The following PLCZ1 variants were observed in gnomAD, a reference collection of about 807,000 sequenced individuals.
The protein encoded by PLCZ1 is 1-phosphatidylinositol 4,5-bisphosphate phosphodiesterase zeta-1.
In PLCZ1, 64 loss-of-function variants were observed where a neutral mutation model predicts 76.8. That is an observed-to-expected ratio of 0.83 (90% CI 0.68 to 1.03). PLCZ1 has a LOEUF of 1.03. PLCZ1 is among the 50% of genes least tolerant of loss of function. PLCZ1 has a pLI of 0.00. For synonymous variants in PLCZ1, 248 were observed against 230.8 expected, an observed-to-expected ratio of 1.07 and a Z score of -0.68; for missense variants, 751 against 713.7, an observed-to-expected ratio of 1.05 and a Z score of -0.60.
intron 3 of PLCZ1, among the ~76,000 whole-genome samples, chr12:18,726,860 A>G (rs1958778602): frequency 6.6e-6 from 1 of 152,070 alleles, no homozygotes; most frequent in African/African-American, 2.4e-5. Context: ...TTTTTTCCCA[A>G]ACTCTCGCGC....
chr12:18,677,446 G>A, the PLCZ1 span, among the ~76,000 whole-genome samples: 1 of 152,048 alleles, frequency 6.6e-6, no homozygotes, highest in Non-Finnish European at 1.5e-5. Flanking sequence ...ATCACATAGA[G>A]GGCTGGTTAG....
Position 18,693,439 on chromosome 12 carries a change from G to A in PLCZ1, c.1461+1471C>T. 2.5e-6 allele frequency: 4 copies of A among 1,604,876 alleles called. No homozygotes were observed. The South Asian group carries it at 4.4e-5, about 18-fold the overall frequency. ...GAGATGGGTATAAAGCCTCCAAGGG[G>A]GTCATTCTCTGTGGTCCACCTGGCA... On this transcript the variant is annotated intron_variant, in intron 12 of 14. Transcript: ENST00000266505.
the PLCZ1 span, among the ~76,000 whole-genome samples, chr12:18,650,349 G>GTA: frequency 1.1e-5 from 1 of 92,102 alleles, no homozygotes; most frequent in Admixed American, 1.1e-4. Flanking sequence ...ATATATATAT[G>GTA]TGTGTGTGTG....
the PLCZ1 span, among the ~76,000 whole-genome samples, chr12:18,677,266 T>C: frequency 4.6e-5 from 7 of 152,092 alleles, no homozygotes; most frequent in Non-Finnish European, 8.8e-5. Context: ...AGCATATGAA[T>C]TGAGGAAAGA....
chr12:18,735,200 G>C (rs1018139779), intron 3 of PLCZ1, among the ~76,000 whole-genome samples: 1 of 152,098 alleles, frequency 6.6e-6, no homozygotes, highest in Non-Finnish European at 1.5e-5. Flanking sequence ...CAGGAATATT[G>C]GCCTAAAGTT....
chr12:18,651,299 T>C, the PLCZ1 span, among the ~76,000 whole-genome samples: 1 of 152,214 alleles, frequency 6.6e-6, no homozygotes, highest in South Asian at 2.1e-4. Flanking sequence ...TGTCTCCGTC[T>C]CTGCCCTGCC....
chr12:18,650,611 C>A, the PLCZ1 span, among the ~76,000 whole-genome samples: 4 of 143,470 alleles, frequency 2.8e-5, no homozygotes, highest in Admixed American at 1.4e-4. Context: ...AGAGCTGATA[C>A]GGGCTCACTT....
the PLCZ1 span, among the ~76,000 whole-genome samples, chr12:18,676,024 T>C: frequency 6.6e-6 from 1 of 152,096 alleles, no homozygotes; most frequent in African/African-American, 2.4e-5. Context: ...AAAAAACTTT[T>C]TGAAAGAAAG....
intron 12 of PLCZ1, among the ~76,000 whole-genome samples, chr12:18,689,513 T>G (rs891502370): frequency 1.3e-5 from 2 of 152,150 alleles, no homozygotes; most frequent in African/African-American, 2.4e-5. Flanking sequence ...ATAATTCCTC[T>G]TCTTCCAACG....
the PLCZ1 span, among the ~76,000 whole-genome samples, chr12:18,665,396 A>G: frequency 6.6e-6 from 1 of 152,108 alleles, no homozygotes; most frequent in African/African-American, 2.4e-5. Flanking sequence ...TATTATTTGT[A>G]TTTCACCACA....
the PLCZ1 span, among the ~76,000 whole-genome samples, chr12:18,649,255 G>T: frequency 0.01 from 1,536 of 152,162 alleles, 14 homozygotes; most frequent in Middle Eastern, 0.058. Context: ...AACTGCCACA[G>T]ATTTCCACAA....
intron 5 of PLCZ1, among the ~76,000 whole-genome samples, chr12:18,717,048 C>T (rs1469520747): frequency 6.6e-6 from 1 of 151,964 alleles, no homozygotes; most frequent in Non-Finnish European, 1.5e-5. Context: ...TGCCACTAGT[C>T]ACAAGGAAAA....
intron 6 of PLCZ1, among the ~76,000 whole-genome samples, chr12:18,706,582 T>C (rs1157699726): frequency 6.6e-6 from 1 of 152,204 alleles, no homozygotes; most frequent in East Asian, 1.9e-4. Context: ...TTCTCATTGC[T>C]GTAACTTCAA....
Position 18,683,192 on chromosome 12 carries a change from G to T in PLCZ1, c.*47C>A. 1 of 1,519,458 alleles carries T rather than the reference G, an allele frequency of 6.6e-7. No individual in the cohort carries two copies. Among genetic ancestry groups the T allele is most frequent in the Non-Finnish European group, 9.1e-7 (1 of 1,095,242 alleles). The allele number at this position is 1,519,458 out of a possible 1,614,324, so 94.1% of individuals were successfully genotyped here. On this transcript the variant is annotated 3_prime_UTR_variant, in exon 15 of 15. Coordinates refer to ENST00000266505, the MANE Select transcript of PLCZ1 (RefSeq NM_033123.4). ...AAACATAAAGACATTCATTTTGGCT[G>T]TTTTATTGCGATGCATAGCTAATGA...
chr12:18,665,257 G>T, the PLCZ1 span, among the ~76,000 whole-genome samples: 8 of 152,088 alleles, frequency 5.3e-5, no homozygotes, highest in African/African-American at 1.7e-4. Context: ...TGTTTAAAGG[G>T]TATATAGACT....
At chr12:18,729,686 T>C (rs930420998) in intron 3 of PLCZ1, among the ~76,000 whole-genome samples, 2 of 152,096 alleles carry the variant, frequency 1.3e-5, no homozygotes, top group Non-Finnish European at 2.9e-5. Context: ...TAAAATATTT[T>C]AAATGCTATA....
intron 3 of PLCZ1, among the ~76,000 whole-genome samples, chr12:18,733,714 G>A (rs540564100): frequency 6.6e-6 from 1 of 152,134 alleles, no homozygotes; most frequent in African/African-American, 2.4e-5. Flanking sequence ...CCATTTATTG[G>A]AGAGACTATC....
At chr12:18,734,650 C>T (rs1312824802) in intron 3 of PLCZ1, among the ~76,000 whole-genome samples, 1 of 152,164 alleles carries the variant, frequency 6.6e-6, no homozygotes, top group Non-Finnish European at 1.5e-5. Context: ...CACACCCGGC[C>T]TTGTGGTAGT....
rs1459681941 is a variant in PLCZ1 at position 18,695,053 on chromosome 12, G to A, written c.1318C>T (p.Leu440=). Reference sequence around the variant, plus strand: ...TTCCCATTTTGCAGATCCATGGGCAGACCAGGGGTCTGGAAATTTAAAGCC... The same window carrying A: ...TTCCCATTTTGCAGATCCATGGGCAAACCAGGGGTCTGGAAATTTAAAGCC... The part of the protein sequence containing the change: ...MVALNFQTPG[L]PMDLQNGKFL... Residue 440 remains leucine (L), a synonymous_variant, in exon 12 of 15, where the codon CTG becomes TTG. Transcript: ENST00000266505. 1.6e-5 allele frequency: 26 copies of A among 1,613,004 alleles called. No individual in the cohort carries two copies. Among genetic ancestry groups the A allele is most frequent in the Non-Finnish European group, 2.0e-5 (23 of 1,179,374 alleles).
Sources: allele counts gnomAD v4.1 joint callset (sites outside exome capture counted in the v4.1 genomes callset), GRCh38; gene constraint gnomAD v4.1.1; transcripts MANE v1.5; gene names NCBI Gene and HGNC (gene_info 2026-07-23, HGNC 2026-07-21).